RUNDC3B: variants seen among roughly 807,000 people sequenced by gnomAD.
RUNDC3B encodes the protein RUN domain containing 3B.
In RUNDC3B, 33 loss-of-function variants were observed where a neutral mutation model predicts 58.4. The observed-to-expected ratio is 0.56, with a 90% confidence interval of 0.43 to 0.75. RUNDC3B has a LOEUF of 0.75. RUNDC3B is among the 30% of genes least tolerant of loss of function. RUNDC3B has a pLI of 0.00. For synonymous variants in RUNDC3B, 193 were observed against 195.2 expected, an observed-to-expected ratio of 0.99 and a Z score of 0.10; for missense variants, 501 against 535.7, an observed-to-expected ratio of 0.94 and a Z score of 0.64.
chr7:87,691,920 T>A (rs1272559983), intron 2 of RUNDC3B, among the ~76,000 whole-genome samples: 1 of 152,064 alleles, frequency 6.6e-6, no homozygotes, highest in African/African-American at 2.4e-5. Context: ...AAAATGAGAG[T>A]TGTTGAAATT....
At chr7:87,675,683 AGAAG>A (rs1415410026) in intron 2 of RUNDC3B, among the ~76,000 whole-genome samples, 3 of 150,920 alleles carry the variant, frequency 2.0e-5, no homozygotes, top group African/African-American at 7.3e-5. Context: ...GGAAAAAGAA[AGAAG>A]GAAAGAAAGA....
At position 87,816,259 on chromosome 7, in the gene RUNDC3B, G is replaced by T; in HGVS notation, c.1222G>T (p.Glu408Ter). 1 of 1,608,086 alleles carries T rather than the reference G, an allele frequency of 6.2e-7. No individual in the cohort carries two copies. The highest frequency in any genetic ancestry group is 1.3e-5 in the African/African-American group (1 of 74,814). The change falls in exon 10 of 11, where the codon GAA becomes TAA. Residue 408 changes from glutamate to a stop codon, truncating the protein, a stop_gained. Transcript: ENST00000394654. LOFTEE classifies it high-confidence loss of function. ...ACAAGACACATTAAATGTAATGAGT[G>T]AAGGTAAGAAAACAAAGAACTATTT... ...GKQDTLNVMS[E>*]GKEDTPSLLG...
intron 6 of RUNDC3B, among the ~76,000 whole-genome samples, chr7:87,750,971 T>A (rs1400065380): frequency 6.6e-6 from 1 of 152,224 alleles, no homozygotes; most frequent in Non-Finnish European, 1.5e-5. Context: ...ATATCCTGAA[T>A]GGTAAAGCCT....
At chr7:87,713,156 C>T (rs960810051) in intron 4 of RUNDC3B, 10 of 151,992 alleles carry the variant, frequency 6.6e-5, no homozygotes, top group African/African-American at 2.4e-4. Flanking sequence ...GTATTTGTAC[C>T]TTACCTTTTA....
At chr7:87,673,500 A>G (rs1826034151) in intron 2 of RUNDC3B, among the ~76,000 whole-genome samples, 1 of 152,204 alleles carries the variant, frequency 6.6e-6, no homozygotes, top group South Asian at 2.1e-4. Context: ...AGTTTGGTCG[A>G]ATCTGCTATT....
chr7:87,771,632 A>AC, intron 7 of RUNDC3B, among the ~76,000 whole-genome samples: 1 of 152,308 alleles, frequency 6.6e-6, no homozygotes, highest in East Asian at 1.9e-4. Flanking sequence ...CATACACCTA[A>AC]CACAAGAAGA....
chr7:87,651,351 G>A (rs948080421), intron 2 of RUNDC3B, among the ~76,000 whole-genome samples: 6 of 151,980 alleles, frequency 3.9e-5, no homozygotes, highest in Non-Finnish European at 8.8e-5. Context: ...TTAAAAAAGA[G>A]GTATGTAAGA....
chr7:87,826,537 G>T (rs1293949650), intron 10 of RUNDC3B, among the ~76,000 whole-genome samples: 1 of 151,788 alleles, frequency 6.6e-6, no homozygotes, highest in Non-Finnish European at 1.5e-5. Context: ...GAAGAAAAAT[G>T]GGAAAACAAC....
intron 4 of RUNDC3B, among the ~76,000 whole-genome samples, chr7:87,733,131 C>T (rs1442275732): frequency 2.0e-5 from 3 of 149,160 alleles, no homozygotes; most frequent in Admixed American, 1.4e-4. Context: ...TATGGACAGG[C>T]GCCCCCCCAT....
chr7:87,806,347 C>A (rs1024529418), intron 8 of RUNDC3B, among the ~76,000 whole-genome samples: 1 of 152,144 alleles, frequency 6.6e-6, no homozygotes, highest in Non-Finnish European at 1.5e-5. Context: ...GCTGCCCTTA[C>A]CTCACTGACT....
At chr7:87,692,660 A>G (rs1485754234) in intron 2 of RUNDC3B, among the ~76,000 whole-genome samples, 1 of 152,200 alleles carries the variant, frequency 6.6e-6, no homozygotes, top group Non-Finnish European at 1.5e-5. Context: ...AGATCTATAA[A>G]TCACAAATAA....
chr7:87,777,201 C>T (rs1834684533), intron 7 of RUNDC3B, among the ~76,000 whole-genome samples: 2 of 152,120 alleles, frequency 1.3e-5, no homozygotes, highest in South Asian at 4.1e-4. Flanking sequence ...ATGCAGTGTA[C>T]CAGACACCAT....
chr7:87,700,663 A>G (rs1828950924), intron 3 of RUNDC3B, 109 bp downstream of exon 3: 1 of 968,438 alleles, frequency 1.0e-6, no homozygotes, highest in Non-Finnish European at 1.5e-6. Flanking sequence ...CTTAAGAAGC[A>G]TAATAAAATA....
In RUNDC3B at chr7:87,813,961, A is replaced by G. The variant is rs181630931; in HGVS notation, c.1104-2180A>G. Among the ~76,000 whole-genome samples, 923 of 151,818 alleles carry G rather than the reference A, an allele frequency of 6.1e-3. 5 individuals are homozygous for G. Among genetic ancestry groups the G allele is most frequent in the Non-Finnish European group, 0.01 (682 of 67,898 alleles). On this transcript the variant is annotated intron_variant, in intron 9 of 10. Coordinates refer to ENST00000394654, the MANE Select transcript of RUNDC3B (RefSeq NM_001134405.2). ...GCGCCACTGCACTCCAGCCTGGGCGACAGAGCGAGACTCCGTCTCAAAAAA... is the reference window on the plus strand; with the variant it reads ...GCGCCACTGCACTCCAGCCTGGGCGGCAGAGCGAGACTCCGTCTCAAAAAA...
At chr7:87,629,527 T>C (rs961226143) in intron 1 of RUNDC3B, among the ~76,000 whole-genome samples, 1 of 152,216 alleles carries the variant, frequency 6.6e-6, no homozygotes, top group Non-Finnish European at 1.5e-5. Flanking sequence ...CTGTGGAGGA[T>C]ACCTAGTCTT....
intron 2 of RUNDC3B, among the ~76,000 whole-genome samples, chr7:87,699,390 A>G (rs2130686511): frequency 6.6e-6 from 1 of 152,258 alleles, no homozygotes; most frequent in South Asian, 2.1e-4. Flanking sequence ...CTGTGAGACT[A>G]ATATTCAGAG....
chr7:87,644,235 A>G (rs1822754672), intron 1 of RUNDC3B, among the ~76,000 whole-genome samples: 1 of 152,166 alleles, frequency 6.6e-6, no homozygotes, highest in Admixed American at 6.5e-5. Context: ...CTTCCAGTGA[A>G]CAGATATCTC....
At chr7:87,803,257 A>C (rs1463476545) in intron 8 of RUNDC3B, among the ~76,000 whole-genome samples, 4 of 152,200 alleles carry the variant, frequency 2.6e-5, no homozygotes, top group Non-Finnish European at 5.9e-5. Context: ...CCTTAACTGA[A>C]AACTATAGTT....
intron 8 of RUNDC3B, among the ~76,000 whole-genome samples, chr7:87,803,447 C>T (rs1754056321): frequency 6.6e-6 from 1 of 152,116 alleles, no homozygotes. Flanking sequence ...ACACATACGT[C>T]AACATAATTA....
Sources: gnomAD v4.1 joint callset for allele counts (sites outside exome capture counted in the v4.1 genomes callset) on GRCh38, gnomAD v4.1.1 for gene constraint, MANE v1.5 for transcripts, NCBI Gene and HGNC (gene_info 2026-07-23, HGNC 2026-07-21) for gene names.